The following LRBA variants were observed in gnomAD, a reference collection of about 807,000 sequenced individuals.
LRBA encodes the protein LPS responsive beige-like anchor protein.
A neutral mutation model predicts 330.0 loss-of-function variants in LRBA; 176 were observed. The observed-to-expected ratio is 0.53, with a 90% CI of 0.47 to 0.60. The LOEUF is 0.60. Among genes scored for constraint, LRBA ranks in the 20% least tolerant of loss-of-function variants. The pLI is 0.00. For missense variants in LRBA, 3,259 were observed against 3,444.8 expected, an observed-to-expected ratio of 0.95 and a Z score of 1.35; for synonymous variants, 1,230 against 1,193.0, an observed-to-expected ratio of 1.03 and a Z score of -0.64.
intron 40 of LRBA, among the ~76,000 whole-genome samples, chr4:150,558,652 G>A (rs1186980967): frequency 6.6e-6 from 1 of 152,152 alleles, no homozygotes; most frequent in Admixed American, 6.6e-5. Flanking sequence ...TAGAAACTAA[G>A]ACCTGGGCAT....
At chr4:150,500,045 C>G (rs1401944464) in intron 40 of LRBA, among the ~76,000 whole-genome samples, 1 of 151,982 alleles carries the variant, frequency 6.6e-6, no homozygotes, top group African/African-American at 2.4e-5. Context: ...TGTTCTATAC[C>G]ACTGTAGAAT....
chr4:150,401,857 T>C (rs960603525), intron 47 of LRBA, among the ~76,000 whole-genome samples: 1 of 151,832 alleles, frequency 6.6e-6, no homozygotes, highest in East Asian at 1.9e-4. Flanking sequence ...GTATATATAA[T>C]TATGTGGGTG....
At chr4:150,502,583 T>C (rs1187411525) in intron 40 of LRBA, among the ~76,000 whole-genome samples, 1 of 152,150 alleles carries the variant, frequency 6.6e-6, no homozygotes, top group Non-Finnish European at 1.5e-5. Flanking sequence ...GGAGCCAAGA[T>C]GGCCAAATAG....
At chr4:150,974,383 T>A (rs1285751853) in intron 2 of LRBA, among the ~76,000 whole-genome samples, 2 of 152,162 alleles carry the variant, frequency 1.3e-5, no homozygotes, top group East Asian at 1.9e-4. Context: ...TGCATGGGCA[T>A]TGGGTGAGAA....
intron 54 of LRBA, among the ~76,000 whole-genome samples, chr4:150,283,092 A>G (rs1747742093): frequency 6.6e-6 from 1 of 152,238 alleles, no homozygotes; most frequent in Non-Finnish European, 1.5e-5. Context: ...GGGCCTATGC[A>G]GGGACAGCCA....
intron 21 of LRBA, 44 bp downstream of exon 21, chr4:150,868,138 G>C: frequency 1.9e-6 from 3 of 1,549,684 alleles, no homozygotes; most frequent in Non-Finnish European, 2.6e-6. Flanking sequence ...TTATACAAAA[G>C]TACATTTGAA....
At chr4:150,954,778 T>C (rs1455775806) in intron 2 of LRBA, among the ~76,000 whole-genome samples, 3 of 138,664 alleles carry the variant, frequency 2.2e-5, no homozygotes, top group Admixed American at 1.4e-4. Flanking sequence ...CTAAAAAATT[T>C]TTTAAAAATT....
chr4:150,388,929 G>A (rs1021522122), intron 47 of LRBA, among the ~76,000 whole-genome samples: 9 of 152,076 alleles, frequency 5.9e-5, no homozygotes, highest in African/African-American at 2.2e-4. Context: ...GTACAATAAT[G>A]GACCATGCAG....
At position 150,741,680 on chromosome 4, in the gene LRBA, G is replaced by GA. The variant is rs200759845; in HGVS notation, c.5646-6315dup. On this transcript the variant is annotated intron_variant, in intron 35 of 56. Coordinates refer to ENST00000651943, the MANE Select transcript of LRBA (RefSeq NM_001364905.1). ...TTTCATAAAGTAAAATGCTAAGTAG[G>GA]AAAAAAAAGAATCAATATTATGCAT... Among the ~76,000 whole-genome samples, 1,188 of 151,604 alleles carry GA rather than the reference G, an allele frequency of 7.8e-3. 12 individuals are homozygous for GA. Among genetic ancestry groups the GA allele is most frequent in the African/African-American group, 0.027 (1,130 of 41,358 alleles).
rs577726108 is a variant in LRBA at position 150,860,295 on chromosome 4, T to C, written c.2767-7352A>G. On this transcript the variant is annotated intron_variant, in intron 22 of 56. Coordinates refer to ENST00000651943, the MANE Select transcript of LRBA (RefSeq NM_001364905.1). ...AAACTTTTGTTTTCCCTCTCATAAGTAATGTTTTAGCATGTATTTTTAAAA... is the reference window on the plus strand; with the variant it reads ...AAACTTTTGTTTTCCCTCTCATAAGCAATGTTTTAGCATGTATTTTTAAAA... 2.6e-5 allele frequency among the ~76,000 whole-genome samples: 4 copies of C among 152,328 alleles called. No homozygotes were observed. The South Asian group carries it at 6.2e-4, about 24-fold the overall frequency.
At chr4:151,010,875 C>T (rs2149674992) in intron 2 of LRBA, among the ~76,000 whole-genome samples, 1 of 137,232 alleles carries the variant, frequency 7.3e-6, no homozygotes, top group African/African-American at 2.8e-5. Flanking sequence ...CAGAGTGAGA[C>T]TCCCTCTCAA....
intron 17 of LRBA, among the ~76,000 whole-genome samples, chr4:150,886,938 A>G (rs956448764): frequency 2.0e-5 from 3 of 152,230 alleles, no homozygotes; most frequent in Admixed American, 6.5e-5. Flanking sequence ...AGATACTATA[A>G]TTATGCTTTA....
At chr4:150,299,091 T>C (rs781749638) in intron 53 of LRBA, among the ~76,000 whole-genome samples, 3 of 152,012 alleles carry the variant, frequency 2.0e-5, no homozygotes, top group Non-Finnish European at 4.4e-5. Context: ...TTCTCCAAAA[T>C]TTAAAAATGT....
chr4:150,470,873 ACAC>A (rs879369098), intron 43 of LRBA, among the ~76,000 whole-genome samples: 1,724 of 122,568 alleles, frequency 0.014, 16 homozygotes, highest in Non-Finnish European at 0.023. Context: ...ACACACACAC[ACAC>A]CACACACTAA....
rs555791086 is a variant in LRBA, at chr4:150,649,455, C to T, written c.5921+34096G>A. ...TACGCTTTCACTTATCTTCCTTCAA[C>T]CTGAAGTAACGCTTTTGCATCGCAT... is the stretch of plus-strand genomic sequence containing the variant. On this transcript the variant is annotated intron_variant, in intron 37 of 56. Transcript: ENST00000651943. 2.0e-5 allele frequency among the ~76,000 whole-genome samples: 3 copies of T among 152,262 alleles called. No homozygotes were observed. The South Asian group carries it at 6.2e-4, about 32-fold the overall frequency.
intron 38 of LRBA, among the ~76,000 whole-genome samples, chr4:150,592,554 G>A (rs939044516): frequency 7.2e-5 from 11 of 152,112 alleles, no homozygotes; most frequent in African/African-American, 2.4e-4. Context: ...AGGCTGCATT[G>A]TAAGCTACAC....
intron 56 of LRBA, among the ~76,000 whole-genome samples, chr4:150,277,182 G>T (rs1467198718): frequency 1.3e-5 from 2 of 148,616 alleles, no homozygotes; most frequent in African/African-American, 2.5e-5. Flanking sequence ...GAACAGAAAA[G>T]CAAATACCTC....
chr4:150,482,815 C>A (rs1757437305), intron 42 of LRBA, among the ~76,000 whole-genome samples: 1 of 151,972 alleles, frequency 6.6e-6, no homozygotes, highest in Non-Finnish European at 1.5e-5. Flanking sequence ...TATTCGGTAT[C>A]TATATCTATT....
At chr4:150,845,757 G>C (rs1032746634) in intron 26 of LRBA, among the ~76,000 whole-genome samples, 3 of 152,188 alleles carry the variant, frequency 2.0e-5, no homozygotes, top group African/African-American at 7.2e-5. Context: ...GGAGGGAAGA[G>C]AGAATATGGA....
Sources: gnomAD v4.1 joint callset for allele counts (sites outside exome capture counted in the v4.1 genomes callset) on GRCh38, gnomAD v4.1.1 for gene constraint, MANE v1.5 for transcripts, NCBI Gene and HGNC (gene_info 2026-07-23, HGNC 2026-07-21) for gene names.